The following PSORS1C1 variants were observed in gnomAD, a reference collection of about 807,000 sequenced individuals.
The protein encoded by PSORS1C1 is psoriasis susceptibility 1 candidate 1.
A neutral mutation model predicts 9.4 loss-of-function variants in PSORS1C1; 7 were observed. That is an observed-to-expected ratio of 0.75 (90% CI 0.42 to 1.40). The LOEUF is 1.40. PSORS1C1 is among the 40% of genes most tolerant of loss of function. The probability of loss-of-function intolerance (pLI) is 0.01; values close to 1 mark genes in which losing one functional copy is unlikely to be tolerated. For synonymous variants in PSORS1C1, 63 were observed against 69.4 expected, an observed-to-expected ratio of 0.91 and a Z score of 0.46; for missense variants, 146 against 178.1, an observed-to-expected ratio of 0.82 and a Z score of 1.02.
At chr6:31,134,270 C>T (rs912588071) in intron 3 of PSORS1C1, among the ~76,000 whole-genome samples, 1 of 151,638 alleles carries the variant, frequency 6.6e-6, no homozygotes, top group Non-Finnish European at 1.5e-5. Flanking sequence ...TGTGAGCCAC[C>T]ACGCCTGATC....
At chr6:31,127,503 GCCGAGGT>G (rs1772730147) in intron 2 of PSORS1C1, among the ~76,000 whole-genome samples, 1 of 151,930 alleles carries the variant, frequency 6.6e-6, no homozygotes, top group Non-Finnish European at 1.5e-5. Flanking sequence ...TCAGCTCGGT[GCCGAGGT>G]CTGCCCATGC....
chr6:31,129,301 C>T lies in PSORS1C1; in HGVS notation c.-64-268C>T, dbSNP rs192866023. Among the ~76,000 whole-genome samples the T allele has an allele frequency of 6.1e-4, 93 of 152,226 alleles. No individual in the cohort carries two copies. In the East Asian group the frequency reaches 7.9e-3, roughly 13 times the overall value. ...TGACTCTGTGTTGACATAGACGTGACGGTGTCCCTGGGGCATTTACTCCTA... is the reference window on the plus strand; with the variant it reads ...TGACTCTGTGTTGACATAGACGTGATGGTGTCCCTGGGGCATTTACTCCTA... On this transcript the variant is annotated intron_variant, in intron 2 of 5. Coordinates refer to ENST00000259881, the MANE Select transcript of PSORS1C1 (RefSeq NM_014068.3).
At chr6:31,131,780 G>A (rs1772923238) in intron 3 of PSORS1C1, among the ~76,000 whole-genome samples, 1 of 152,168 alleles carries the variant, frequency 6.6e-6, no homozygotes, top group African/African-American at 2.4e-5. Flanking sequence ...TGATAGCATT[G>A]TTATGCAAAT....
rs563469150 is a variant in PSORS1C1 at position 31,138,744 on chromosome 6, C to T, written c.132C>T (p.Asp44=). The T allele has an allele frequency of 7.4e-6, 12 of 1,614,116 alleles. No individual in the cohort carries two copies. In the South Asian group the frequency reaches 1.3e-4, roughly 18 times the overall value. ...EETRPPHVNP[D]RLCHMEPANH... ...CTCGTCCCCCCCACGTTAATCCTGA[C>T]CGACTTTGCCACATGGAGCCAGCAA... Residue 44 remains aspartate, a synonymous_variant, in exon 5 of 6, where the codon GAC becomes GAT. Transcript: ENST00000259881.
In PSORS1C1 at chr6:31,138,770, A is replaced by G. The variant is rs1299035380; in HGVS notation, c.158A>G (p.Asn53Ser). The change falls in exon 5 of 6, where the codon AAC becomes AGC. Residue 53 changes from asparagine (N) to serine (S), a missense_variant. Coordinates refer to ENST00000259881, the MANE Select transcript of PSORS1C1 (RefSeq NM_014068.3). ...CGACTTTGCCACATGGAGCCAGCAA[A>G]CCATTTCTGGTGAGAGCCAAATGCA... The part of the protein sequence containing the change: ...PDRLCHMEPA[N>S]HFWHAGDLQA... 3 of 1,613,822 alleles carry G rather than the reference A, an allele frequency of 1.9e-6. No homozygotes were observed. Among genetic ancestry groups the G allele is most frequent in the Non-Finnish European group, 2.5e-6 (3 of 1,179,972 alleles).
chr6:31,116,670 C>T (rs767507963), intron 1 of PSORS1C1: 15 of 1,612,602 alleles, frequency 9.3e-6, no homozygotes, highest in Admixed American at 5.0e-5. Flanking sequence ...AGATTTTACC[C>T]TTACTGTAGG....
chr6:31,131,522 A>C (rs1458750774), intron 3 of PSORS1C1, among the ~76,000 whole-genome samples: 1 of 143,004 alleles, frequency 7.0e-6, no homozygotes, highest in Non-Finnish European at 1.5e-5. Flanking sequence ...GCTTTAACCC[A>C]GGAGGCGGAG....
intron 4 of PSORS1C1, 88 bp downstream of exon 4, chr6:31,138,547 C>G: frequency 6.2e-7 from 1 of 1,606,836 alleles, no homozygotes; most frequent in South Asian, 1.1e-5. Context: ...CCACTTTAAA[C>G]TGACCAGACT....
rs3095320 is a variant in PSORS1C1, at chr6:31,120,157, G to A, written c.-229+5266G>A. Among the ~76,000 whole-genome samples the A allele has an allele frequency of 0.76, 115,133 of 151,998 alleles. 43,937 individuals are homozygous for A. Among genetic ancestry groups the A allele is most frequent in the South Asian group, 0.83 (3,991 of 4,818 alleles). On this transcript the variant is annotated intron_variant, in intron 1 of 5. Transcript: ENST00000259881. ...TAGGTGTCATTAACCCCACTTCAGA[G>A]TTTCAGAAACTGGGGCTCAGGAAGT... is the stretch of plus-strand genomic sequence containing the variant.
At chr6:31,123,017 C>T (rs542258191) in intron 1 of PSORS1C1, among the ~76,000 whole-genome samples, 6 of 152,308 alleles carry the variant, frequency 3.9e-5, no homozygotes, top group South Asian at 2.1e-4. Flanking sequence ...ACACAAACTT[C>T]CCCTGACCAG....
intron 3 of PSORS1C1, chr6:31,137,690 G>A: frequency 5.3e-6 from 2 of 378,812 alleles, no homozygotes; most frequent in Non-Finnish European, 9.4e-6. Context: ...AGGTAGGTGC[G>A]GCCGAGGCCT....
Position 31,139,178 on chromosome 6 carries a change from G to T in PSORS1C1, c.167+399G>T. On this transcript the variant is annotated intron_variant, in intron 5 of 5. Coordinates refer to ENST00000259881, the MANE Select transcript of PSORS1C1 (RefSeq NM_014068.3). The surrounding 1 kb of genome is among the most constrained non-coding windows in gnomAD (Gnocchi z 5.2). Reference sequence around the variant, plus strand: ...CTGGTCAAACCCGTTGGGAAGGCCTGGGCTGATGTGTCACCCCTGAAGGTG... The same window carrying T: ...CTGGTCAAACCCGTTGGGAAGGCCTTGGCTGATGTGTCACCCCTGAAGGTG... 1.6e-6 allele frequency: 1 copy of T among 635,690 alleles called. No homozygotes were observed. The highest frequency in any genetic ancestry group is 2.8e-6 in the Non-Finnish European group (1 of 360,272). The allele number at this position is 635,690 out of a possible 1,614,324, so 39.4% of individuals were successfully genotyped here. A position where few individuals can be genotyped will look rare whatever the true frequency, so the allele number is the denominator to read the frequency against.
rs1772817712 is a variant in PSORS1C1 at position 31,129,564 on chromosome 6, G to A, written c.-64-5G>A. The A allele has an allele frequency of 1.3e-6, 1 of 777,282 alleles. No individual in the cohort carries two copies. Among genetic ancestry groups the A allele is most frequent in the Admixed American group, 1.7e-5 (1 of 58,642 alleles). The allele number at this position is 777,282 out of a possible 1,614,324, so 48.1% of individuals were successfully genotyped here. A position where few individuals can be genotyped will look rare whatever the true frequency, so the allele number is the denominator to read the frequency against. On this transcript the variant is annotated splice_polypyrimidine_tract_variant and splice_region_variant and intron_variant, in intron 2 of 5. Transcript: ENST00000259881. The stretch of plus-strand genomic sequence containing the variant: ...TCTTTCCCACTCACCTACCTGCCAT[G>A]TCAGCCTGGGAAGAATTGGTTTGCA...
intron 3 of PSORS1C1, 40 bp from the exon 4 acceptor site, chr6:31,138,390 C>A: frequency 6.2e-7 from 1 of 1,600,162 alleles, no homozygotes; most frequent in Non-Finnish European, 8.6e-7. Flanking sequence ...GGAGGAGGAG[C>A]CTGTCTGGAT....
At chr6:31,126,178 C>T (rs965065470) in intron 2 of PSORS1C1, among the ~76,000 whole-genome samples, 2 of 152,228 alleles carry the variant, frequency 1.3e-5, no homozygotes, top group African/African-American at 2.4e-5. Context: ...TCACGGGTGA[C>T]TGTCTCCCCT....
chr6:31,138,584 G>A (rs1442205409), intron 4 of PSORS1C1, 72 bp from the exon 5 acceptor site: 8 of 1,609,310 alleles, frequency 5.0e-6, no homozygotes, highest in Middle Eastern at 1.6e-4. Context: ...ATCCACCCCT[G>A]GTTGGGGTAC....
At chr6:31,138,056 C>A (rs768145430) in intron 3 of PSORS1C1, 2 of 1,536,640 alleles carry the variant, frequency 1.3e-6, no homozygotes, top group Admixed American at 2.1e-5. Context: ...GGGGTCCTGC[C>A]GGCCAAGGGT....
chr6:31,116,778 T>C (rs773190213), intron 1 of PSORS1C1: 44 of 1,613,374 alleles, frequency 2.7e-5, no homozygotes, highest in Non-Finnish European at 3.4e-6. Context: ...AGGGCTTGCC[T>C]GGAAGGCCAC....
chr6:31,121,825 T>C (rs1351435379), intron 1 of PSORS1C1, among the ~76,000 whole-genome samples: 2 of 152,250 alleles, frequency 1.3e-5, no homozygotes, highest in East Asian at 1.9e-4. Context: ...TCCGATACGG[T>C]AGCCACTGGC....
Sources: gnomAD v4.1 joint callset for allele counts (sites outside exome capture counted in the v4.1 genomes callset) on GRCh38, gnomAD v4.1.1 for gene constraint, Gnocchi (gnomAD v3.1) non-coding constraint, MANE v1.5 for transcripts, NCBI Gene and HGNC (gene_info 2026-07-23, HGNC 2026-07-21) for gene names.